The following RAB38 variants were observed in gnomAD, a reference collection of about 807,000 sequenced individuals.
RAB38 encodes the protein ras-related protein Rab-38.
RAB38 carries 15 observed loss-of-function variants against 18.4 expected under a neutral mutation model. The observed-to-expected ratio is 0.82, with a 90% CI of 0.55 to 1.26. The LOEUF (loss-of-function observed/expected upper bound fraction) is 1.26, where lower values mean the gene tolerates loss of function less well. Among genes scored for constraint, RAB38 ranks in the 50% most tolerant of loss-of-function variants. The pLI is 0.00. For missense variants in RAB38, 294 were observed against 267.4 expected (o/e 1.10, Z -0.69); for synonymous variants, 101 against 104.4 (o/e 0.97, Z 0.20).
intron 2 of RAB38, among the ~76,000 whole-genome samples, chr11:88,123,008 T>G (rs1476349635): frequency 6.6e-6 from 1 of 152,220 alleles, no homozygotes. Flanking sequence ...CAATCGTCAC[T>G]ATATTTCATG....
the RAB38 span, among the ~76,000 whole-genome samples, chr11:87,884,220 C>T: frequency 1.3e-5 from 2 of 152,066 alleles, no homozygotes; most frequent in East Asian, 3.9e-4. Flanking sequence ...CTAGAATTAA[C>T]ATCTGATGAC....
chr11:87,943,281 ATAATT>A, the RAB38 span, among the ~76,000 whole-genome samples: 1 of 152,148 alleles, frequency 6.6e-6, no homozygotes, highest in Non-Finnish European at 1.5e-5. Context: ...AGACAAATAG[ATAATT>A]TAAATTATTT....
the RAB38 span, among the ~76,000 whole-genome samples, chr11:88,072,915 G>A: frequency 6.6e-6 from 1 of 152,052 alleles, no homozygotes. Flanking sequence ...GAACATCCCA[G>A]AACTTAAGTC....
chr11:87,810,720 C>T, the RAB38 span, among the ~76,000 whole-genome samples: 1 of 151,638 alleles, frequency 6.6e-6, no homozygotes, highest in Non-Finnish European at 1.5e-5. Flanking sequence ...CAAATAGAGT[C>T]TACTCATAAA....
the RAB38 span, among the ~76,000 whole-genome samples, chr11:88,007,713 A>G: frequency 6.6e-6 from 1 of 152,034 alleles, no homozygotes; most frequent in African/African-American, 2.4e-5. Context: ...TATACTCCTA[A>G]CCCAACAAGC....
At chr11:88,172,962 C>T (rs1233773769) in intron 1 of RAB38, among the ~76,000 whole-genome samples, 1 of 152,202 alleles carries the variant, frequency 6.6e-6, no homozygotes, top group African/African-American at 2.4e-5. Context: ...TTGAATGTAA[C>T]ACCACCGCAG....
the RAB38 span, among the ~76,000 whole-genome samples, chr11:87,839,066 A>G: frequency 2.0e-5 from 3 of 152,196 alleles, no homozygotes; most frequent in Non-Finnish European, 4.4e-5. Flanking sequence ...CGGACACAAG[A>G]GAAATGTTAG....
At chr11:88,039,920 G>T in the RAB38 span, among the ~76,000 whole-genome samples, 1 of 152,166 alleles carries the variant, frequency 6.6e-6, no homozygotes, top group South Asian at 2.1e-4. Context: ...GTTCACTAGT[G>T]CAGCACTAGT....
the RAB38 span, among the ~76,000 whole-genome samples, chr11:88,025,341 CAT>C: frequency 3.3e-5 from 5 of 151,846 alleles, no homozygotes; most frequent in Admixed American, 3.3e-4. Flanking sequence ...GCGATGAACA[CAT>C]GAGTGCATGT....
the RAB38 span, among the ~76,000 whole-genome samples, chr11:88,046,667 C>T: frequency 6.6e-6 from 1 of 152,220 alleles, no homozygotes; most frequent in Non-Finnish European, 1.5e-5. Flanking sequence ...TCGTGTCTGA[C>T]TGATCTCTCA....
chr11:87,882,378 A>G, the RAB38 span, among the ~76,000 whole-genome samples: 19 of 152,016 alleles, frequency 1.2e-4, no homozygotes, highest in East Asian at 2.4e-3. Context: ...AAAGAAATGC[A>G]AATATCTGCG....
chr11:88,059,899 G>A, the RAB38 span, among the ~76,000 whole-genome samples: 10 of 152,222 alleles, frequency 6.6e-5, no homozygotes, highest in African/African-American at 2.2e-4. Context: ...CACTGTCCTG[G>A]TGCCCAATTC....
chr11:87,815,639 C>T, the RAB38 span: 1 of 152,140 alleles, frequency 6.6e-6, no homozygotes, highest in African/African-American at 2.4e-5. Flanking sequence ...GTAACGGTGA[C>T]TTTATCAACT....
chr11:88,086,773 G>A, the RAB38 span, among the ~76,000 whole-genome samples: 2 of 151,920 alleles, frequency 1.3e-5, no homozygotes, highest in African/African-American at 2.4e-5. Flanking sequence ...CCCTCTAGGA[G>A]TGTCTCTGGT....
At chr11:88,053,743 G>C in the RAB38 span, among the ~76,000 whole-genome samples, 1 of 150,822 alleles carries the variant, frequency 6.6e-6, no homozygotes, top group Non-Finnish European at 1.5e-5. Flanking sequence ...AGGACAAATA[G>C]CTACTTTAGT....
the RAB38 span, among the ~76,000 whole-genome samples, chr11:87,975,730 G>C: frequency 6.6e-6 from 1 of 151,602 alleles, no homozygotes; most frequent in Non-Finnish European, 1.5e-5. Flanking sequence ...AATAAATTAA[G>C]GAAGTATGTT....
chr11:88,018,956 A>AT, the RAB38 span, among the ~76,000 whole-genome samples: 67,571 of 151,648 alleles, frequency 0.45, 16,818 homozygotes, highest in Non-Finnish European at 0.56. Context: ...TTTTAAAACA[A>AT]TTTTTTTTAT....
chr11:88,041,437 A>G, the RAB38 span, among the ~76,000 whole-genome samples: 7 of 152,238 alleles, frequency 4.6e-5, no homozygotes, highest in Non-Finnish European at 1.0e-4. Flanking sequence ...AATACACATT[A>G]TATCAATTAC....
the RAB38 span, among the ~76,000 whole-genome samples, chr11:88,004,002 A>ATAT: frequency 7.1e-5 from 9 of 126,944 alleles, no homozygotes; most frequent in South Asian, 2.3e-4. Flanking sequence ...TATATATATA[A>ATAT]AAAAGGTATA....
Sources: allele counts gnomAD v4.1 joint callset (sites outside exome capture counted in the v4.1 genomes callset), GRCh38; gene constraint gnomAD v4.1.1; transcripts MANE v1.5; gene names NCBI Gene and HGNC (gene_info 2026-07-23, HGNC 2026-07-21).